Variants in DPP6 observed in about 807,000 individuals in gnomAD.
The protein encoded by DPP6 is dipeptidyl peptidase like 6, also known as A-type potassium channel modulatory protein DPP6.
A neutral mutation model predicts 122.6 loss-of-function variants in DPP6; 69 were observed. The ratio of observed to expected loss-of-function variants is 0.56; its 90% CI spans 0.46 to 0.69. The LOEUF is 0.69. DPP6 is among the 30% of genes least tolerant of loss of function. The pLI is 0.00. For synonymous variants in DPP6, 418 were observed against 433.1 expected, an observed-to-expected ratio of 0.97 and a Z score of 0.43; for missense variants, 928 against 1,116.9, an observed-to-expected ratio of 0.83 and a Z score of 2.41.
intron 17 of DPP6, among the ~76,000 whole-genome samples, chr7:154,857,701 C>G (rs778582305): frequency 6.6e-6 from 1 of 152,180 alleles, no homozygotes; most frequent in African/African-American, 2.4e-5. Flanking sequence ...GCATCTTGTT[C>G]GTGGTGTGGT....
intron 8 of DPP6, among the ~76,000 whole-genome samples, chr7:154,768,673 C>T (rs1410128017): frequency 6.6e-6 from 1 of 152,152 alleles, no homozygotes; most frequent in Non-Finnish European, 1.5e-5. Flanking sequence ...CCCTACAAAA[C>T]TCATCTGTCG....
intron 1 of DPP6, among the ~76,000 whole-genome samples, chr7:154,165,990 A>G (rs1036087708): frequency 3.3e-5 from 5 of 152,166 alleles, no homozygotes; most frequent in African/African-American, 1.2e-4. Flanking sequence ...TCCAACTAAT[A>G]CCTCTCCTGC....
intron 1 of DPP6, among the ~76,000 whole-genome samples, chr7:153,898,129 A>C (rs776980349): frequency 1.3e-5 from 2 of 152,188 alleles, no homozygotes; most frequent in Non-Finnish European, 2.9e-5. Flanking sequence ...GGGTGACTGC[A>C]ATTACTAATA....
chr7:154,446,391 G>T, intron 2 of DPP6, 63 bp downstream of exon 2: 2 of 1,333,858 alleles, frequency 1.5e-6, no homozygotes, highest in South Asian at 1.4e-5. Context: ...ATTTTACCTT[G>T]CAATTTTTTT....
chr7:154,761,438 A>T (rs922080171), intron 8 of DPP6, among the ~76,000 whole-genome samples: 2 of 152,244 alleles, frequency 1.3e-5, no homozygotes, highest in Non-Finnish European at 2.9e-5. Context: ...AGAGAGAGCC[A>T]GGGGAAAGCC....
At chr7:154,505,992 A>G (rs4236460) in intron 3 of DPP6, among the ~76,000 whole-genome samples, 40,856 of 151,830 alleles carry the variant, frequency 0.27, 5,688 homozygotes, top group Non-Finnish European at 0.3. Context: ...ATTTATATTT[A>G]TTTATCTATA....
At chr7:153,791,854 A>G in the DPP6 span, among the ~76,000 whole-genome samples, 1 of 152,252 alleles carries the variant, frequency 6.6e-6, no homozygotes. Flanking sequence ...AGAGGGAGAC[A>G]AGGCTATTTC....
chr7:154,779,777 G>A (rs145743768), intron 10 of DPP6, among the ~76,000 whole-genome samples: 82 of 152,272 alleles, frequency 5.4e-4, no homozygotes, highest in African/African-American at 1.9e-3. Context: ...GCCCTTCTCA[G>A]CAGCAGCATT....
chr7:154,540,975 A>G (rs759052752), intron 4 of DPP6, among the ~76,000 whole-genome samples: 1 of 152,196 alleles, frequency 6.6e-6, no homozygotes, highest in East Asian at 1.9e-4. Context: ...AATCCTGTTT[A>G]AAAAAAGCTC....
chr7:153,928,396 A>ATTTTTTTTTTTTGTTT (rs1801012581), intron 1 of DPP6, among the ~76,000 whole-genome samples: 1 of 43,672 alleles, frequency 2.3e-5, no homozygotes, highest in Admixed American at 4.0e-4. Context: ...CTTTTCTTTC[A>ATTTTTTTTTTTTGTTT]TTTTTTTTTT....
the DPP6 span, among the ~76,000 whole-genome samples, chr7:153,817,911 T>A: frequency 1.3e-5 from 2 of 151,090 alleles, no homozygotes; most frequent in African/African-American, 4.9e-5. Flanking sequence ...GAACTTAAAG[T>A]ATAATAATAA....
chr7:154,541,614 T>C (rs1828737362), intron 4 of DPP6, among the ~76,000 whole-genome samples: 1 of 152,230 alleles, frequency 6.6e-6, no homozygotes, highest in African/African-American at 2.4e-5. Flanking sequence ...AGTTGATTCT[T>C]TTCTTGTTTG....
chr7:154,598,409 A>G (rs894672088), intron 5 of DPP6, among the ~76,000 whole-genome samples: 9 of 152,182 alleles, frequency 5.9e-5, no homozygotes, highest in African/African-American at 2.2e-4. Flanking sequence ...TATTTGTTGC[A>G]GACAGCCTTT....
intron 7 of DPP6, among the ~76,000 whole-genome samples, chr7:154,675,059 A>G (rs60984949): frequency 0.023 from 3,479 of 152,302 alleles, 138 homozygotes; most frequent in East Asian, 0.18. Context: ...TTTTCCACAG[A>G]AGGTCACAGA....
the DPP6 span, among the ~76,000 whole-genome samples, chr7:153,762,447 G>C: frequency 6.6e-6 from 1 of 151,992 alleles, no homozygotes; most frequent in Non-Finnish European, 1.5e-5. Flanking sequence ...GTTATTCATT[G>C]CTTCCCAGGC....
intron 1 of DPP6, among the ~76,000 whole-genome samples, chr7:154,254,581 G>A (rs1424231636): frequency 3.3e-5 from 5 of 152,106 alleles, no homozygotes; most frequent in Non-Finnish European, 5.9e-5. Context: ...GGGCTATTTT[G>A]TGTATGTAGT....
the DPP6 span, among the ~76,000 whole-genome samples, chr7:153,840,672 C>T: frequency 2.0e-5 from 3 of 152,264 alleles, no homozygotes; most frequent in African/African-American, 4.8e-5. Context: ...AATCACCTGT[C>T]GGGAAACCAT....
chr7:154,717,068 T>C (rs1841529295), intron 7 of DPP6, among the ~76,000 whole-genome samples: 1 of 152,176 alleles, frequency 6.6e-6, no homozygotes, highest in Non-Finnish European at 1.5e-5. Context: ...CCTGACCTCG[T>C]GATCTGCCCA....
At chr7:154,862,997 C>G (rs1803546069) in intron 17 of DPP6, among the ~76,000 whole-genome samples, 1 of 152,180 alleles carries the variant, frequency 6.6e-6, no homozygotes, top group Non-Finnish European at 1.5e-5. Context: ...CTCCTGGGCT[C>G]AAGCAATCCT....
Sources: gnomAD v4.1 joint callset for allele counts (sites outside exome capture counted in the v4.1 genomes callset) on GRCh38, gnomAD v4.1.1 for gene constraint, MANE v1.5 for transcripts, NCBI Gene and HGNC (gene_info 2026-07-23, HGNC 2026-07-21) for gene names.